The following NOL4 variants were observed in gnomAD, a reference collection of about 807,000 sequenced individuals.
The protein encoded by NOL4 is nucleolar protein 4.
In NOL4, 17 loss-of-function variants were observed where a neutral mutation model predicts 75.9. That is an observed-to-expected ratio of 0.22 (90% CI 0.15 to 0.34). The LOEUF (loss-of-function observed/expected upper bound fraction) is 0.34, where lower values mean the gene tolerates loss of function less well. Ranked by LOEUF, NOL4 falls within the 10% of genes least tolerant of loss-of-function variation. The pLI, the probability that NOL4 is intolerant of heterozygous loss-of-function variation, is 1.00. For synonymous variants in NOL4, 292 were observed against 289.9 expected, an observed-to-expected ratio of 1.01 and a Z score of -0.07; for missense variants, 614 against 793.5, an observed-to-expected ratio of 0.77 and a Z score of 2.72.
intron 8 of NOL4, among the ~76,000 whole-genome samples, chr18:33,956,985 T>A (rs895828836): frequency 4.6e-5 from 7 of 152,072 alleles, no homozygotes; most frequent in African/African-American, 1.7e-4. Context: ...TTAAATAACC[T>A]CATGCCCACT....
chr18:34,048,131 G>A (rs1440761406), intron 5 of NOL4, among the ~76,000 whole-genome samples: 3 of 152,012 alleles, frequency 2.0e-5, no homozygotes, highest in Non-Finnish European at 2.9e-5. Flanking sequence ...CTCTCTTGAT[G>A]GAATTTTAGG....
At chr18:34,059,312 C>CCTCACT (rs1414654914) in intron 5 of NOL4, among the ~76,000 whole-genome samples, 1 of 151,532 alleles carries the variant, frequency 6.6e-6, no homozygotes, top group Non-Finnish European at 1.5e-5. Flanking sequence ...AGGATTTATA[C>CCTCACT]CTCACTCTCA....
At chr18:34,108,336 T>C (rs1002740192) in intron 2 of NOL4, among the ~76,000 whole-genome samples, 1 of 151,980 alleles carries the variant, frequency 6.6e-6, no homozygotes, top group African/African-American at 2.4e-5. Context: ...CAGTAGTAAG[T>C]CCTTATCTAT....
intron 1 of NOL4, among the ~76,000 whole-genome samples, chr18:34,210,784 C>T (rs1368019834): frequency 6.6e-6 from 1 of 152,064 alleles, no homozygotes; most frequent in Non-Finnish European, 1.5e-5. Context: ...AGAGAGTGAC[C>T]TTTTTTATTT....
intron 6 of NOL4, among the ~76,000 whole-genome samples, chr18:33,975,956 A>G (rs1342577857): frequency 6.6e-6 from 1 of 152,176 alleles, no homozygotes; most frequent in Non-Finnish European, 1.5e-5. Flanking sequence ...TGCTGAACAC[A>G]AAACTTTTTA....
chr18:33,983,191 G>A (rs2072119319), intron 6 of NOL4, among the ~76,000 whole-genome samples: 1 of 152,056 alleles, frequency 6.6e-6, no homozygotes, highest in African/African-American at 2.4e-5. Context: ...GGGGTTAGGG[G>A]GAGGAAGGGA....
rs191672417 is a variant in NOL4, at chr18:34,182,719, T to A, written c.264+40271A>T. On this transcript the variant is annotated intron_variant, in intron 1 of 10. Transcript: ENST00000261592. ...GGGTAGTGAGAATAAGGATTTTTTT[T>A]AAAAAAATTAAACTTCTTCTTTCAT... Among the ~76,000 whole-genome samples the A allele has an allele frequency of 8.4e-3, 1,275 of 151,598 alleles. 22 individuals are homozygous for A. Among genetic ancestry groups the A allele is most frequent in the African/African-American group, 0.027 (1,136 of 41,474 alleles).
At chr18:33,862,057 G>T (rs1460838698) in intron 10 of NOL4, among the ~76,000 whole-genome samples, 1 of 152,050 alleles carries the variant, frequency 6.6e-6, no homozygotes, top group Non-Finnish European at 1.5e-5. Flanking sequence ...GCATGGTACT[G>T]GTACCAAAAC....
intron 6 of NOL4, among the ~76,000 whole-genome samples, chr18:33,980,073 A>C (rs774136202): frequency 6.6e-5 from 10 of 152,082 alleles, no homozygotes; most frequent in Non-Finnish European, 1.2e-4. Context: ...AAAGCTAAAC[A>C]GTTGAAAAAT....
At chr18:34,038,770 G>A (rs2076019557) in intron 5 of NOL4, among the ~76,000 whole-genome samples, 1 of 151,936 alleles carries the variant, frequency 6.6e-6, no homozygotes, top group Non-Finnish European at 1.5e-5. Flanking sequence ...GAAAAGAGGT[G>A]GATGAGTGGG....
At chr18:34,187,535 C>T (rs1418095185) in intron 1 of NOL4, among the ~76,000 whole-genome samples, 4 of 152,094 alleles carry the variant, frequency 2.6e-5, no homozygotes, top group African/African-American at 9.6e-5. Flanking sequence ...TAGAGGCGCC[C>T]GCCACCACAC....
At chr18:34,192,510 GACAC>G (rs2034995197) in intron 1 of NOL4, among the ~76,000 whole-genome samples, 2 of 152,112 alleles carry the variant, frequency 1.3e-5, no homozygotes, top group Non-Finnish European at 1.5e-5. Flanking sequence ...AATAAAAACA[GACAC>G]ACAGACCAAC....
chr18:33,990,746 CCA>C (rs2072858160), intron 6 of NOL4, among the ~76,000 whole-genome samples: 1 of 151,838 alleles, frequency 6.6e-6, no homozygotes, highest in Non-Finnish European at 1.5e-5. Flanking sequence ...ATCACCTAGC[CCA>C]CAGTCTTCCT....
chr18:34,207,327 G>GA (rs1007259555), intron 1 of NOL4, among the ~76,000 whole-genome samples: 7 of 151,800 alleles, frequency 4.6e-5, no homozygotes, highest in South Asian at 4.2e-4. Flanking sequence ...AAATCCTCCA[G>GA]AAAAAAAATA....
chr18:34,192,781 G>C (rs577662227), intron 1 of NOL4, among the ~76,000 whole-genome samples: 1 of 152,174 alleles, frequency 6.6e-6, no homozygotes, highest in Admixed American at 6.5e-5. Context: ...CTTTTCAGAG[G>C]TAACCAGGTC....
chr18:33,999,103 ATTGTCCC>A (rs1315414447), intron 6 of NOL4, among the ~76,000 whole-genome samples: 1 of 147,264 alleles, frequency 6.8e-6, no homozygotes, highest in Non-Finnish European at 1.5e-5. Context: ...AAGTAGGTGT[ATTGTCCC>A]TCAACACTTT....
intron 1 of NOL4, among the ~76,000 whole-genome samples, chr18:34,176,035 A>C (rs1215050690): frequency 1.3e-5 from 2 of 152,264 alleles, no homozygotes; most frequent in African/African-American, 4.8e-5. Flanking sequence ...CTGGACAAAG[A>C]CTTTAAATCA....
intron 4 of NOL4, 95 bp downstream of exon 4, chr18:34,103,952 G>T: frequency 1.2e-6 from 1 of 812,156 alleles, no homozygotes; most frequent in African/African-American, 1.7e-5. Flanking sequence ...ATAAATTACT[G>T]TCTTCAAAAT....
At chr18:34,130,953 TAGAG>T (rs2080615853) in intron 1 of NOL4, among the ~76,000 whole-genome samples, 1 of 151,954 alleles carries the variant, frequency 6.6e-6, no homozygotes, top group Admixed American at 6.6e-5. Flanking sequence ...TCATGGATAA[TAGAG>T]AGGAGTAAGA....
Sources: allele counts gnomAD v4.1 joint callset (sites outside exome capture counted in the v4.1 genomes callset), GRCh38; gene constraint gnomAD v4.1.1; transcripts MANE v1.5; gene names NCBI Gene and HGNC (gene_info 2026-07-23, HGNC 2026-07-21).